Variants in SLC24A2 observed in about 807,000 individuals in gnomAD.
SLC24A2 encodes the protein sodium/potassium/calcium exchanger 2.
In SLC24A2, 36 loss-of-function variants were observed where a neutral mutation model predicts 62.0. The observed-to-expected ratio is 0.58, with a 90% CI of 0.44 to 0.77. SLC24A2 has a LOEUF of 0.77. SLC24A2 is among the 30% of genes least tolerant of loss of function. SLC24A2 has a pLI of 0.00. For synonymous variants in SLC24A2, 358 were observed against 294.0 expected, an observed-to-expected ratio of 1.22 and a Z score of -2.23; for missense variants, 846 against 817.9, an observed-to-expected ratio of 1.03 and a Z score of -0.42.
At chr9:20,074,611 G>A in the SLC24A2 span, among the ~76,000 whole-genome samples, 902 of 103,786 alleles carry the variant, frequency 8.7e-3, 11 homozygotes, top group African/African-American at 0.018. Context: ...GGAAAGAAGG[G>A]AGTGAGGGAG....
At chr9:19,561,121 G>T in intron 7 of SLC24A2, among the ~76,000 whole-genome samples, 1 of 151,586 alleles carries the variant, frequency 6.6e-6, no homozygotes, top group Non-Finnish European at 1.5e-5. Context: ...GTAGAGGTGG[G>T]TTTTTACCAT....
the SLC24A2 span, among the ~76,000 whole-genome samples, chr9:20,185,781 A>C: frequency 2.0e-5 from 3 of 152,020 alleles, no homozygotes; most frequent in African/African-American, 7.3e-5. Flanking sequence ...TGACTCAAGC[A>C]CTCTAAAGTT....
At chr9:20,239,637 G>A in the SLC24A2 span, among the ~76,000 whole-genome samples, 1 of 152,190 alleles carries the variant, frequency 6.6e-6, no homozygotes, top group Non-Finnish European at 1.5e-5. Flanking sequence ...AGAAGAGCTT[G>A]AATTTAGGAA....
chr9:19,516,102 A>G lies in SLC24A2; in HGVS notation c.*51T>C, dbSNP rs1452685294. 13 of 1,611,792 alleles carry G rather than the reference A, an allele frequency of 8.1e-6. 1 individual carries two copies. In the Admixed American group the frequency reaches 1.5e-4, roughly 19 times the overall value. ...CAAGAGGTCAAGGAGCCCAGAGCCC[A>G]GAGTGTGGAGGGACCATTCATGCTG... On this transcript the variant is annotated 3_prime_UTR_variant, in exon 11 of 11. Transcript: ENST00000341998.
chr9:20,053,956 A>AG, the SLC24A2 span, among the ~76,000 whole-genome samples: 3 of 152,182 alleles, frequency 2.0e-5, no homozygotes, highest in African/African-American at 7.2e-5. Flanking sequence ...CATGTGCATG[A>AG]GCAGCTTAAT....
the SLC24A2 span, among the ~76,000 whole-genome samples, chr9:20,299,108 G>C: frequency 6.6e-6 from 1 of 152,208 alleles, no homozygotes; most frequent in Admixed American, 6.5e-5. Flanking sequence ...TGGCTAGATG[G>C]GAAAGCTTGG....
At chr9:19,954,040 G>A in the SLC24A2 span, among the ~76,000 whole-genome samples, 77 of 151,706 alleles carry the variant, frequency 5.1e-4, no homozygotes, top group Middle Eastern at 0.01. Context: ...AGCACAGTTT[G>A]GGAACTATGG....
At chr9:19,610,132 A>C (rs1416332492) in intron 4 of SLC24A2, among the ~76,000 whole-genome samples, 1 of 152,240 alleles carries the variant, frequency 6.6e-6, no homozygotes, top group Non-Finnish European at 1.5e-5. Flanking sequence ...TGTCTAGTGC[A>C]TGAATTTATT....
At chr9:19,866,448 C>G in the SLC24A2 span, among the ~76,000 whole-genome samples, 1 of 152,022 alleles carries the variant, frequency 6.6e-6, no homozygotes, top group Non-Finnish European at 1.5e-5. Context: ...TGGAAAAAAC[C>G]TAAGGGTCCA....
intron 2 of SLC24A2, among the ~76,000 whole-genome samples, chr9:19,743,852 C>T (rs1239464930): frequency 7.2e-5 from 11 of 152,046 alleles, no homozygotes; most frequent in Admixed American, 2.6e-4. Context: ...TATAAATGGA[C>T]GGGTACCTGG....
the SLC24A2 span, among the ~76,000 whole-genome samples, chr9:19,837,225 G>T: frequency 6.6e-6 from 1 of 151,682 alleles, no homozygotes; most frequent in African/African-American, 2.4e-5. Flanking sequence ...GGCCGAGGCG[G>T]GTGGATCATG....
chr9:20,249,704 CAAAAA>C, the SLC24A2 span, among the ~76,000 whole-genome samples: 3 of 76,552 alleles, frequency 3.9e-5, no homozygotes, highest in African/African-American at 1.4e-4. Context: ...AACTCTGTCT[CAAAAA>C]AAAAAAAAAA....
the SLC24A2 span, among the ~76,000 whole-genome samples, chr9:20,197,631 C>T: frequency 8.6e-5 from 13 of 151,894 alleles, no homozygotes; most frequent in Admixed American, 7.2e-4. Context: ...AGGGTTTTAC[C>T]GTGTTGGCCA....
the SLC24A2 span, among the ~76,000 whole-genome samples, chr9:20,269,582 C>A: frequency 3.9e-5 from 6 of 152,122 alleles, no homozygotes; most frequent in African/African-American, 1.4e-4. Context: ...TTCATGTACC[C>A]CTGATAGCAG....
upstream of SLC24A2, among the ~76,000 whole-genome samples, chr9:19,790,064 C>A (rs758625975): frequency 1.3e-5 from 2 of 151,342 alleles, no homozygotes; most frequent in African/African-American, 4.9e-5. Context: ...CTTCCCCCCA[C>A]CCCCCAATCA....
chr9:20,182,751 G>A, the SLC24A2 span, among the ~76,000 whole-genome samples: 1 of 152,144 alleles, frequency 6.6e-6, no homozygotes, highest in South Asian at 2.1e-4. Flanking sequence ...CCTACACGTT[G>A]TGCACATGTA....
the SLC24A2 span, among the ~76,000 whole-genome samples, chr9:20,105,577 A>C: frequency 7.0e-4 from 99 of 142,206 alleles, no homozygotes; most frequent in South Asian, 1.1e-3. Flanking sequence ...TGGAAACTGA[A>C]CAACCTGCTC....
At chr9:20,016,818 G>A in the SLC24A2 span, among the ~76,000 whole-genome samples, 1,953 of 152,264 alleles carry the variant, frequency 0.013, 34 homozygotes, top group African/African-American at 0.043. Flanking sequence ...GAAGAGGAGA[G>A]TGAAACCACA....
chr9:19,563,260 T>G (rs1026282699), intron 7 of SLC24A2, among the ~76,000 whole-genome samples: 3 of 152,196 alleles, frequency 2.0e-5, no homozygotes, highest in Non-Finnish European at 4.4e-5. Flanking sequence ...ATGCCTCTAC[T>G]TCTTGGGTGG....
Sources: gnomAD v4.1 joint callset for allele counts (sites outside exome capture counted in the v4.1 genomes callset) on GRCh38, gnomAD v4.1.1 for gene constraint, MANE v1.5 for transcripts, NCBI Gene and HGNC (gene_info 2026-07-23, HGNC 2026-07-21) for gene names.